C7: variants seen among roughly 807,000 people sequenced by gnomAD.
The protein encoded by C7 is complement component C7.
Under a neutral mutation model 104.8 loss-of-function variants are expected in C7, and 83 were observed. That is an observed-to-expected ratio of 0.79 (90% CI 0.66 to 0.95). C7 has a LOEUF of 0.95. Ranked by LOEUF, C7 falls within the 40% of genes least tolerant of loss-of-function variation. The pLI is 0.00. For missense variants in C7, 1,070 were observed against 1,011.2 expected, an observed-to-expected ratio of 1.06 and a Z score of -0.79; for synonymous variants, 415 against 360.6, an observed-to-expected ratio of 1.15 and a Z score of -1.71.
chr5:40,929,222 G>A (rs1354600022), intron 2 of C7, among the ~76,000 whole-genome samples: 1 of 152,072 alleles, frequency 6.6e-6, no homozygotes, highest in Non-Finnish European at 1.5e-5. Flanking sequence ...TGGGTGATTC[G>A]TATCTTGAGC....
At chr5:40,921,424 C>G (rs1739435924) in intron 1 of C7, among the ~76,000 whole-genome samples, 1 of 151,642 alleles carries the variant, frequency 6.6e-6, no homozygotes, top group African/African-American at 2.4e-5. Flanking sequence ...ATCAAGATAC[C>G]AATGAAATTA....
At chr5:40,967,748 CT>C in intron 14 of C7, 1 of 175,376 alleles carries the variant, frequency 5.7e-6, no homozygotes, top group Non-Finnish European at 1.2e-5. Flanking sequence ...TTATTAACAA[CT>C]TTAACAAACC....
chr5:40,916,698 A>C (rs1579835372), intron 1 of C7, among the ~76,000 whole-genome samples: 1 of 152,006 alleles, frequency 6.6e-6, no homozygotes, highest in Non-Finnish European at 1.5e-5. Context: ...GATTGTACCA[A>C]ATTTTTATTT....
intron 14 of C7, among the ~76,000 whole-genome samples, chr5:40,970,931 C>T (rs758260298): frequency 6.6e-6 from 1 of 152,062 alleles, no homozygotes; most frequent in Non-Finnish European, 1.5e-5. Context: ...GACATTAACC[C>T]GTTATAGTAT....
intron 1 of C7, among the ~76,000 whole-genome samples, chr5:40,914,180 C>T (rs1739269349): frequency 6.6e-6 from 1 of 152,068 alleles, no homozygotes. Context: ...GATGATATCT[C>T]CTTGTGGTTT....
At chr5:40,972,633 C>T (rs768123670) in intron 15 of C7, 39 bp downstream of exon 15, 3 of 1,521,436 alleles carry the variant, frequency 2.0e-6, no homozygotes, top group Non-Finnish European at 1.8e-6. Flanking sequence ...CACTTGTACC[C>T]AGGCAAGTGA....
chr5:40,936,454 C>G lies in C7; in HGVS notation c.397C>G (p.Pro133Ala). Residue 133 changes from proline (P) to alanine (A), a missense_variant, in exon 5 of 18, where the codon CCT becomes GCT. Coordinates refer to ENST00000313164, the MANE Select transcript of C7 (RefSeq NM_000587.4). ...GAGACCTTCCTGTGATATCGATAAA[C>G]CTCCTCCTAACATAGAACTTACTGG... ...ERRPSCDIDK[P>A]PPNIELTGNG... 6.2e-7 allele frequency: 1 copy of G among 1,613,032 alleles called. No individual in the cohort carries two copies. Among genetic ancestry groups the G allele is most frequent in the Non-Finnish European group, 8.5e-7 (1 of 1,179,300 alleles).
chr5:40,936,413 G>A lies in C7; in HGVS notation c.356G>A (p.Cys119Tyr). The A allele has an allele frequency of 6.2e-7, 1 of 1,613,350 alleles. No individual in the cohort carries two copies. The change falls in exon 5 of 18, where the codon TGT becomes TAT. Residue 119 changes from cysteine to tyrosine, a missense_variant. Coordinates refer to ENST00000313164, the MANE Select transcript of C7 (RefSeq NM_000587.4). ...GAAGACAGTGCTGATGAAGACAGATGTGAGGACTCAGAAAGGAGACCTTCC... is the reference window on the plus strand; with the variant it reads ...GAAGACAGTGCTGATGAAGACAGATATGAGGACTCAGAAAGGAGACCTTCC... ...CDEDSADEDR[C>Y]EDSERRPSCD...
At position 40,969,033 on chromosome 5, in the gene C7, C is replaced by T. The variant is rs181813431; in HGVS notation, c.1883-3370C>T. On this transcript the variant is annotated intron_variant, in intron 14 of 17. Transcript: ENST00000313164. ...AAAACTGACTAGAAAGTACAGAGAGCGCCCATCTACTTCCTTACTTCCCGC... is the reference window on the plus strand; with the variant it reads ...AAAACTGACTAGAAAGTACAGAGAGTGCCCATCTACTTCCTTACTTCCCGC... Among the ~76,000 whole-genome samples, 72 of 152,144 alleles carry T rather than the reference C, an allele frequency of 4.7e-4. 1 individual carries two copies. The highest frequency in any genetic ancestry group is 1.6e-3 in the African/African-American group (65 of 41,552).
intron 7 of C7, among the ~76,000 whole-genome samples, chr5:40,947,360 A>T (rs1740071301): frequency 6.6e-6 from 1 of 151,962 alleles, no homozygotes; most frequent in Admixed American, 6.6e-5. Context: ...TGCTGGGATT[A>T]TAGGAGTGAG....
At chr5:40,975,221 T>A (rs1740788412) in intron 15 of C7, among the ~76,000 whole-genome samples, 1 of 152,174 alleles carries the variant, frequency 6.6e-6, no homozygotes, top group African/African-American at 2.4e-5. Flanking sequence ...AACTAAAAAA[T>A]TAATATTAGT....
At chr5:40,976,941 A>G in intron 16 of C7, 101 bp downstream of exon 16, 4 of 895,630 alleles carry the variant, frequency 4.5e-6, no homozygotes, top group Non-Finnish European at 6.8e-6. Flanking sequence ...TAGCTTACCA[A>G]GAGTTAAGGG....
At chr5:40,956,722 C>A (rs1244681865) in intron 10 of C7, among the ~76,000 whole-genome samples, 1 of 152,218 alleles carries the variant, frequency 6.6e-6, no homozygotes, top group African/African-American at 2.4e-5. Context: ...TCAAAAATTG[C>A]AATAGGTCCT....
chr5:40,923,515 G>T (rs1307016019), intron 1 of C7, among the ~76,000 whole-genome samples: 1 of 152,172 alleles, frequency 6.6e-6, no homozygotes. Context: ...GGAGGCTGAG[G>T]CAGGCAGATC....
At chr5:40,972,046 C>A in intron 14 of C7, 1 of 467,832 alleles carries the variant, frequency 2.1e-6, no homozygotes, top group South Asian at 1.6e-5. Flanking sequence ...TAATGAAACT[C>A]TCCTGGTGGA....
At chr5:40,941,636 T>C (rs1400255200) in intron 6 of C7, among the ~76,000 whole-genome samples, 15 of 152,012 alleles carry the variant, frequency 9.9e-5, no homozygotes, top group Admixed American at 9.8e-4. Flanking sequence ...CTGAGAGACA[T>C]AAGAGCGGCC....
rs777723088 is a variant in C7 at position 40,945,190 on chromosome 5, C to T, written c.568-8C>T. 4 of 1,427,394 alleles carry T rather than the reference C, an allele frequency of 2.8e-6. No individual in the cohort carries two copies. The East Asian group carries it at 1.0e-4, about 36-fold the overall frequency. 88.4% of individuals were successfully genotyped at this position (1,427,394 alleles called of 1,614,324 possible). A position where few individuals can be genotyped will look rare whatever the true frequency, so the allele number is the denominator to read the frequency against. On this transcript the variant is annotated splice_region_variant and splice_polypyrimidine_tract_variant and intron_variant, in intron 6 of 17. Transcript: ENST00000313164. ...TAGTCATAGCAAAATTTTTCATTTT[C>T]TTTGTAGGTGAAAATAAATAATGAT...
Position 40,927,232 on chromosome 5 carries a change from G to A in C7, c.7-1348G>A, listed in dbSNP as rs375534623. On this transcript the variant is annotated intron_variant, in intron 1 of 17. Coordinates refer to ENST00000313164, the MANE Select transcript of C7 (RefSeq NM_000587.4). The stretch of plus-strand genomic sequence containing the variant: ...TTAAATAGGACCCTTATCTAGCATT[G>A]TATATAAAAATCTACTCAGAATGGG... Among the ~76,000 whole-genome samples the A allele has an allele frequency of 8.5e-5, 13 of 152,072 alleles. No homozygotes were observed. In the South Asian group the frequency reaches 2.5e-3, roughly 29 times the overall value.
rs1454970653 is a variant in C7 at position 40,982,476 on chromosome 5, C to G, written c.*903C>G. 6.6e-6 allele frequency: 1 copy of G among 152,356 alleles called. No individual in the cohort carries two copies. The highest frequency in any genetic ancestry group is 6.5e-5 in the Admixed American group (1 of 15,284). The allele number at this position is 152,356 out of a possible 1,614,324, so 9.4% of individuals were successfully genotyped here. ...TTACTCTTGTCGGGAGATTGAACCA[C>G]TAAAATGTTAGAGCAGAATTCATTA... is the stretch of plus-strand genomic sequence containing the variant. On this transcript the variant is annotated 3_prime_UTR_variant, in exon 18 of 18. Transcript: ENST00000313164.
Sources: gnomAD v4.1 joint callset for allele counts (sites outside exome capture counted in the v4.1 genomes callset) on GRCh38, gnomAD v4.1.1 for gene constraint, MANE v1.5 for transcripts, NCBI Gene and HGNC (gene_info 2026-07-23, HGNC 2026-07-21) for gene names.